ERC1: variants seen among roughly 807,000 people sequenced by gnomAD.
ERC1 encodes ELKS/RAB6-interacting/CAST family member 1.
In ERC1, 56 loss-of-function variants were observed where a neutral mutation model predicts 132.0. The ratio of observed to expected loss-of-function variants is 0.42; its 90% CI spans 0.34 to 0.53. ERC1 has a LOEUF of 0.53. ERC1 is among the 20% of genes least tolerant of loss of function. The probability of loss-of-function intolerance (pLI) is 0.03; values close to 1 mark genes in which losing one functional copy is unlikely to be tolerated. For synonymous variants in ERC1, 478 were observed against 476.1 expected, an observed-to-expected ratio of 1.00 and a Z score of -0.05; for missense variants, 1,202 against 1,349.9, an observed-to-expected ratio of 0.89 and a Z score of 1.72.
chr12:1,260,426 T>C (rs1433668355), intron 13 of ERC1, among the ~76,000 whole-genome samples: 1 of 152,204 alleles, frequency 6.6e-6, no homozygotes, highest in Admixed American at 6.5e-5. Flanking sequence ...CACCAAATGA[T>C]GGATTTAATC....
rs538245971 is a variant in ERC1, at chr12:1,071,195, C to A, written c.670-11969C>A. ...GGTTGTGTTTATTGGTACATGTTTT[C>A]ATTTCTCTTGGGGTGATACCTAAGG... On this transcript the variant is annotated intron_variant, in intron 2 of 18. Transcript: ENST00000360905. Among the ~76,000 whole-genome samples, 171 of 152,266 alleles carry A rather than the reference C, an allele frequency of 1.1e-3. 1 individual carries two copies. The highest frequency in any genetic ancestry group is 7.9e-4 in the Non-Finnish European group (54 of 68,010).
In ERC1 at chr12:1,158,507, C is replaced by T. The variant is rs370138091; in HGVS notation, c.1737+16720C>T. On this transcript the variant is annotated intron_variant, in intron 8 of 18. Coordinates refer to ENST00000360905, the MANE Select transcript of ERC1 (RefSeq NM_178040.4). ...GTGCAGTGGCATGATCTCGGCTCACCGCAACCTCGCCTCCTGGGTTCAAGC... is the reference window on the plus strand; with the variant it reads ...GTGCAGTGGCATGATCTCGGCTCACTGCAACCTCGCCTCCTGGGTTCAAGC... 4.2e-3 allele frequency among the ~76,000 whole-genome samples: 640 copies of T among 151,754 alleles called. 9 individuals carry two copies. The highest frequency in any genetic ancestry group is 0.014 in the African/African-American group (575 of 41,436).
intron 9 of ERC1, among the ~76,000 whole-genome samples, chr12:1,181,706 C>G (rs755204007): frequency 6.6e-6 from 1 of 151,602 alleles, no homozygotes; most frequent in Non-Finnish European, 1.5e-5. Context: ...TCGCTTGAAC[C>G]CGAGAGGCAG....
chr12:997,544 A>G (rs1961178668), intron 1 of ERC1, among the ~76,000 whole-genome samples: 1 of 152,212 alleles, frequency 6.6e-6, no homozygotes, highest in Non-Finnish European at 1.5e-5. Flanking sequence ...GAAATGACAC[A>G]GGATGGTAGC....
At chr12:1,106,027 T>C (rs1258631542) in intron 4 of ERC1, among the ~76,000 whole-genome samples, 1 of 152,214 alleles carries the variant, frequency 6.6e-6, no homozygotes, top group Non-Finnish European at 1.5e-5. Context: ...TAGAAATCTT[T>C]AGGCTGTTCA....
chr12:1,141,710 A>G lies in ERC1; in HGVS notation c.1660A>G (p.Thr554Ala), dbSNP rs181530707. The G allele has an allele frequency of 1.2e-6, 2 of 1,613,576 alleles. No individual in the cohort carries two copies. Among genetic ancestry groups the G allele is most frequent in the African/African-American group, 1.3e-5 (1 of 75,016 alleles). ...TCAGGATATGGCTGAAGAGAAGGGG[A>G]CACAAGCTGGAGAGATACATGACCT... ...QIQDMAEEKG[T>A]QAGEIHDLKD... Residue 554 changes from threonine to alanine, a missense_variant, in exon 8 of 19, where the codon ACA (threonine) becomes GCA (alanine). By Grantham distance (58) the Thr-to-Ala change is moderately conservative (BLOSUM62 0). Transcript: ENST00000360905.
intron 17 of ERC1, among the ~76,000 whole-genome samples, chr12:1,433,341 C>A (rs1029534237): frequency 6.6e-6 from 1 of 152,178 alleles, no homozygotes; most frequent in African/African-American, 2.4e-5. Flanking sequence ...AGCCTGGCTC[C>A]AGCCAATCAG....
intron 15 of ERC1, among the ~76,000 whole-genome samples, chr12:1,325,476 C>T (rs1418466303): frequency 1.3e-5 from 2 of 152,172 alleles, no homozygotes; most frequent in African/African-American, 2.4e-5. Flanking sequence ...TGTAAGAAAA[C>T]AGTCCTTAGG....
chr12:1,297,712 C>CA (rs535814870), intron 15 of ERC1, among the ~76,000 whole-genome samples: 3,638 of 65,524 alleles, frequency 0.056, 64 homozygotes, highest in Middle Eastern at 0.21. Flanking sequence ...GTCCCCCTGC[C>CA]AAAAAAAAAA....
intron 16 of ERC1, among the ~76,000 whole-genome samples, chr12:1,374,781 C>G (rs1269968303): frequency 6.7e-6 from 1 of 149,508 alleles, no homozygotes; most frequent in South Asian, 2.1e-4. Context: ...GTGCTCTACA[C>G]AGATGTGTTA....
In ERC1 at chr12:1,408,150, C is replaced by G. The variant is rs367650677; in HGVS notation, c.2927C>G (p.Thr976Arg). 6.2e-7 allele frequency: 1 copy of G among 1,611,354 alleles called. No individual in the cohort carries two copies. Among genetic ancestry groups the G allele is most frequent in the Non-Finnish European group, 8.5e-7 (1 of 1,177,714 alleles). Residue 976 changes from threonine to arginine, a missense_variant and splice_region_variant, in exon 17 of 19, where the codon ACG becomes AGG. Physicochemically the swap from Thr to Arg is moderately conservative, Grantham distance 71. Coordinates refer to ENST00000360905, the MANE Select transcript of ERC1 (RefSeq NM_178040.4). ...DRLVQQLKQQ[T>R]QNRMKLMADN... ...ACCTTATGAATAATTTCTTCCTAGACGCAAAATCGAATGAAGCTAATGGCC... is the reference window on the plus strand; with the variant it reads ...ACCTTATGAATAATTTCTTCCTAGAGGCAAAATCGAATGAAGCTAATGGCC...
chr12:1,154,255 A>ATATGTATATGTATATGTATATGTG (rs1555273213), intron 8 of ERC1, among the ~76,000 whole-genome samples: 6 of 147,884 alleles, frequency 4.1e-5, no homozygotes, highest in Admixed American at 1.4e-4. Flanking sequence ...ATGTATATGT[A>ATATGTATATGTATATGTATATGTG]TATGTGTATA....
Position 1,444,633 on chromosome 12 carries a change from C to T in ERC1, c.3096C>T (p.Thr1032=), listed in dbSNP as rs1017377025. ...KLKLYIGHLT[T]LCHDRDPLIL... Reference sequence around the variant, plus strand: ...AGTTGTACATTGGACACCTGACAACCCTCTGCCATGACCGAGACCCCCTGA... The same window carrying T: ...AGTTGTACATTGGACACCTGACAACTCTCTGCCATGACCGAGACCCCCTGA... The change falls in exon 18 of 19, where the codon ACC becomes ACT. Residue 1032 remains threonine (T), a synonymous_variant. Coordinates refer to ENST00000360905, the MANE Select transcript of ERC1 (RefSeq NM_178040.4). The T allele has an allele frequency of 8.1e-6, 13 of 1,614,018 alleles. No individual in the cohort carries two copies. Among genetic ancestry groups the T allele is most frequent in the Non-Finnish European group, 1.1e-5 (13 of 1,179,932 alleles).
chr12:1,407,169 A>G (rs917455735), intron 16 of ERC1, among the ~76,000 whole-genome samples: 29 of 152,264 alleles, frequency 1.9e-4, no homozygotes, highest in Middle Eastern at 3.4e-3. Context: ...GAGAAAAGAC[A>G]ATGGGATTAT....
At chr12:1,338,137 GC>G (rs2083467038) in intron 15 of ERC1, among the ~76,000 whole-genome samples, 1 of 152,092 alleles carries the variant, frequency 6.6e-6, no homozygotes, top group Non-Finnish European at 1.5e-5. Flanking sequence ...GTTTTCAGTT[GC>G]TTACGCTCTC....
intron 7 of ERC1, among the ~76,000 whole-genome samples, chr12:1,124,209 A>G (rs565306019): frequency 6.6e-6 from 1 of 152,342 alleles, no homozygotes; most frequent in Admixed American, 6.5e-5. Context: ...GAACAGTCGT[A>G]AAAACTAACC....
At chr12:1,455,452 T>G (rs1393236337) in intron 18 of ERC1, among the ~76,000 whole-genome samples, 1 of 152,234 alleles carries the variant, frequency 6.6e-6, no homozygotes, top group African/African-American at 2.4e-5. Context: ...ATCTGACCAC[T>G]GTTACTTAGC....
chr12:1,067,942 T>TC, intron 2 of ERC1, among the ~76,000 whole-genome samples: 1 of 150,576 alleles, frequency 6.6e-6, no homozygotes. Flanking sequence ...TTTTTTTTTT[T>TC]TTTCCTTCTG....
At chr12:1,369,437 T>G (rs1445134248) in intron 15 of ERC1, among the ~76,000 whole-genome samples, 1 of 152,240 alleles carries the variant, frequency 6.6e-6, no homozygotes, top group Non-Finnish European at 1.5e-5. Flanking sequence ...AAGGTGCTGG[T>G]ATTTCAATCT....
Sources: allele counts gnomAD v4.1 joint callset (sites outside exome capture counted in the v4.1 genomes callset), GRCh38; gene constraint gnomAD v4.1.1; transcripts MANE v1.5; gene names NCBI Gene and HGNC (gene_info 2026-07-23, HGNC 2026-07-21).